The following USP43 variants were observed in gnomAD, a reference collection of about 807,000 sequenced individuals.
The protein encoded by USP43 is ubiquitin carboxyl-terminal hydrolase 43.
USP43 carries 33 observed loss-of-function variants against 90.7 expected under a neutral mutation model. The observed-to-expected ratio is 0.36, with a 90% confidence interval of 0.28 to 0.49. The LOEUF is 0.49. USP43 is among the 20% of genes least tolerant of loss of function. USP43 has a pLI of 0.98. For synonymous variants in USP43, 598 were observed against 615.8 expected (o/e 0.97, Z 0.43); for missense variants, 1,274 against 1,476.4 (o/e 0.86, Z 2.25).
chr17:9,686,970 TGG>T lies in USP43; in HGVS notation c.1353+63_1353+64del. The T allele has an allele frequency of 6.7e-7, 1 of 1,482,910 alleles. No homozygotes were observed. The highest frequency in any genetic ancestry group is 9.3e-7 in the Non-Finnish European group (1 of 1,076,986). The allele number at this position is 1,482,910 out of a possible 1,614,324, so 91.9% of individuals were successfully genotyped here. A position where few individuals can be genotyped will look rare whatever the true frequency, so the allele number is the denominator to read the frequency against. Reference sequence around the variant, plus strand: ...GCATGCGCATGTGCATGCGTGTGTGTGGGTGTGTGTATTGGGAGGGGTGGAAT... The same window carrying T: ...GCATGCGCATGTGCATGCGTGTGTGTGTGTGTGTATTGGGAGGGGTGGAAT... On this transcript the variant is annotated intron_variant, in intron 8 of 14. Coordinates refer to ENST00000285199, the MANE Select transcript of USP43 (RefSeq NM_153210.5). The surrounding 1 kb of genome is among the most constrained non-coding windows in gnomAD (Gnocchi z 5.5).
intron 8 of USP43, among the ~76,000 whole-genome samples, chr17:9,689,290 G>C (rs1914788365): frequency 6.6e-6 from 1 of 152,108 alleles, no homozygotes; most frequent in Non-Finnish European, 1.5e-5. Context: ...TGTATTGAAG[G>C]TTTGGACATG....
intron 5 of USP43, among the ~76,000 whole-genome samples, chr17:9,677,877 CT>C (rs1913892072): frequency 6.6e-6 from 1 of 152,216 alleles, no homozygotes; most frequent in Admixed American, 6.5e-5. Flanking sequence ...AACCTCCACG[CT>C]TCCTGAGCCT....
intron 13 of USP43, 29 bp downstream of exon 13, chr17:9,710,143 G>T (rs369975090): frequency 2.1e-6 from 3 of 1,410,330 alleles, no homozygotes; most frequent in African/African-American, 2.9e-5. Flanking sequence ...GACAGGAGGG[G>T]GGTGTGGGGA....
chr17:9,718,736 A>G (rs926167127), intron 14 of USP43, among the ~76,000 whole-genome samples: 6 of 152,006 alleles, frequency 3.9e-5, no homozygotes, highest in Admixed American at 3.9e-4. Context: ...GCTACTCAGG[A>G]GGCTGAGGCA....
At chr17:9,707,729 G>A (rs1000267648) in intron 12 of USP43, among the ~76,000 whole-genome samples, 3 of 150,312 alleles carry the variant, frequency 2.0e-5, no homozygotes, top group Admixed American at 6.7e-5. Flanking sequence ...CCAGTGTCCC[G>A]ATGGGCTGAT....
chr17:9,660,679 C>T (rs545794466), intron 2 of USP43, among the ~76,000 whole-genome samples: 1 of 152,328 alleles, frequency 6.6e-6, no homozygotes, highest in African/African-American at 2.4e-5. Context: ...CCCCTCTGCC[C>T]CTCGCTCCCT....
At chr17:9,646,384 C>G (rs1911403440) in intron 1 of USP43, among the ~76,000 whole-genome samples, 1 of 152,080 alleles carries the variant, frequency 6.6e-6, no homozygotes. Context: ...GGGTAATCAG[C>G]GTTTTTGGAT....
chr17:9,667,804 G>A (rs1309290766), intron 3 of USP43, among the ~76,000 whole-genome samples: 1 of 152,142 alleles, frequency 6.6e-6, no homozygotes, highest in African/African-American at 2.4e-5. Context: ...GCGTGCACGT[G>A]TGCGCGTGTC....
chr17:9,685,731 G>A (rs1914562062), intron 7 of USP43, among the ~76,000 whole-genome samples: 1 of 152,124 alleles, frequency 6.6e-6, no homozygotes, highest in South Asian at 2.1e-4. Flanking sequence ...GTGATATTTT[G>A]ATACATGTAC....
At chr17:9,711,126 T>C (rs1438357172) in intron 13 of USP43, among the ~76,000 whole-genome samples, 1 of 152,152 alleles carries the variant, frequency 6.6e-6, no homozygotes, top group African/African-American at 2.4e-5. Flanking sequence ...ATAAAGATAA[T>C]GTATCTTTAT....
intron 3 of USP43, 50 bp downstream of exon 3, chr17:9,666,801 C>T: frequency 7.0e-7 from 1 of 1,432,892 alleles, no homozygotes; most frequent in Non-Finnish European, 9.7e-7. Context: ...TCCGCAGACT[C>T]AATTCCTGGT....
chr17:9,687,985 G>T lies in USP43; in HGVS notation c.1353+1076G>T, dbSNP rs147682811. ...CAATGGATGAAACTATGCTTTTTTT[G>T]TTTGTTTGTTTGTTTTTTGAGACGG... On this transcript the variant is annotated intron_variant, in intron 8 of 14. Transcript: ENST00000285199. Among the ~76,000 whole-genome samples the T allele has an allele frequency of 7.9e-3, 1,201 of 152,096 alleles. 4 individuals are homozygous for T. The highest frequency in any genetic ancestry group is 0.024 in the Middle Eastern group (7 of 294).
intron 2 of USP43, among the ~76,000 whole-genome samples, chr17:9,657,405 G>A (rs1418828150): frequency 6.6e-6 from 1 of 151,922 alleles, no homozygotes; most frequent in African/African-American, 2.4e-5. Context: ...TACTCGGGAG[G>A]CTGAGGCAGG....
intron 3 of USP43, among the ~76,000 whole-genome samples, chr17:9,667,748 C>T (rs540377942): frequency 6.6e-6 from 1 of 152,102 alleles, no homozygotes; most frequent in Admixed American, 6.6e-5. Flanking sequence ...CAGAGAGCCT[C>T]CTCTAAGATG....
chr17:9,717,339 G>A (rs1916639138), intron 14 of USP43, among the ~76,000 whole-genome samples: 1 of 150,008 alleles, frequency 6.7e-6, no homozygotes, highest in South Asian at 2.1e-4. Context: ...TGTATACTTA[G>A]GAGTGGAATT....
intron 1 of USP43, among the ~76,000 whole-genome samples, chr17:9,651,150 T>C (rs1911831440): frequency 6.6e-6 from 1 of 152,122 alleles, no homozygotes; most frequent in African/African-American, 2.4e-5. Flanking sequence ...GTTGCAAGTC[T>C]CCTCTTGGAA....
At chr17:9,724,995 T>A (rs2152003564) in intron 14 of USP43, among the ~76,000 whole-genome samples, 1 of 151,862 alleles carries the variant, frequency 6.6e-6, no homozygotes, top group South Asian at 2.1e-4. Context: ...AACACCTGAG[T>A]ATGGATTGAT....
chr17:9,709,766 A>T lies in USP43; in HGVS notation c.2012-190A>T, dbSNP rs753224380. On this transcript the variant is annotated intron_variant, in intron 12 of 14. Transcript: ENST00000285199. The surrounding 1 kb of genome is among the most constrained non-coding windows in gnomAD (Gnocchi z 5.0). ...AATAAAAATAATAACAGCACTTGTT[A>T]TAGTAAGAATCCGAGGGTATAACTT... is the stretch of plus-strand genomic sequence containing the variant. 1.6e-4 allele frequency among the ~76,000 whole-genome samples: 24 copies of T among 152,200 alleles called. No homozygotes were observed. The highest frequency in any genetic ancestry group is 5.5e-4 in the African/African-American group (23 of 41,468).
intron 3 of USP43, among the ~76,000 whole-genome samples, chr17:9,668,154 A>G (rs577656641): frequency 2.0e-5 from 3 of 152,292 alleles, no homozygotes; most frequent in Admixed American, 1.3e-4. Context: ...GTTGCACTAA[A>G]TCATTTCGAA....
Sources: gnomAD v4.1 joint callset for allele counts (sites outside exome capture counted in the v4.1 genomes callset) on GRCh38, gnomAD v4.1.1 for gene constraint, Gnocchi (gnomAD v3.1) non-coding constraint, MANE v1.5 for transcripts, NCBI Gene and HGNC (gene_info 2026-07-23, HGNC 2026-07-21) for gene names.